Variants in MSRA observed in about 807,000 individuals in gnomAD.
The protein encoded by MSRA is methionine sulfoxide reductase A, also known as mitochondrial peptide methionine sulfoxide reductase.
Under a neutral mutation model 31.3 loss-of-function variants are expected in MSRA, and 54 were observed. The observed-to-expected ratio is 1.73, with a 90% CI of 1.39 to 2.17. The LOEUF (loss-of-function observed/expected upper bound fraction) is 2.17, where lower values mean the gene tolerates loss of function less well. Ranked by LOEUF, MSRA falls within the 30% of genes most tolerant of loss-of-function variation. The probability of loss-of-function intolerance (pLI) is 0.00; values close to 1 mark genes in which losing one functional copy is unlikely to be tolerated. For synonymous variants in MSRA, 169 were observed against 116.5 expected (o/e 1.45, Z -2.90); for missense variants, 507 against 300.9 (o/e 1.69, Z -5.07).
In MSRA at chr8:10,105,192, A is replaced by G. The variant is rs570815253; in HGVS notation, c.142+50534A>G. Among the ~76,000 whole-genome samples the G allele has an allele frequency of 6.4e-4, 97 of 151,688 alleles. No homozygotes were observed. In the South Asian group the frequency reaches 9.6e-3, roughly 15 times the overall value. On this transcript the variant is annotated intron_variant, in intron 1 of 5. Coordinates refer to ENST00000317173, the MANE Select transcript of MSRA (RefSeq NM_012331.5). ...TATGCTCATCGAAGATACCTTCTCAATCTTTTTTTTTCTCATTTTCCTTAT... is the reference window on the plus strand; with the variant it reads ...TATGCTCATCGAAGATACCTTCTCAGTCTTTTTTTTTCTCATTTTCCTTAT...
At chr8:10,261,980 T>C (rs907560180) in intron 3 of MSRA, among the ~76,000 whole-genome samples, 2 of 152,176 alleles carry the variant, frequency 1.3e-5, no homozygotes, top group Non-Finnish European at 2.9e-5. Flanking sequence ...ATCCAGTAAA[T>C]AGCATGTTTA....
intron 3 of MSRA, 55 bp downstream of exon 3, chr8:10,245,278 C>G (rs1050968669): frequency 1.9e-5 from 29 of 1,543,236 alleles, no homozygotes; most frequent in Non-Finnish European, 2.6e-5. Flanking sequence ...GGGCTTGTCA[C>G]TACTGTTGGG....
chr8:10,321,752 C>A (rs1484549676), intron 5 of MSRA, among the ~76,000 whole-genome samples: 3 of 152,148 alleles, frequency 2.0e-5, no homozygotes, highest in African/African-American at 7.2e-5. Flanking sequence ...CAGAGGCTTA[C>A]ATGACAAGGA....
At chr8:10,226,203 C>G (rs956073158) in intron 2 of MSRA, among the ~76,000 whole-genome samples, 7 of 152,212 alleles carry the variant, frequency 4.6e-5, no homozygotes, top group African/African-American at 1.4e-4. Context: ...CACTGAGTAT[C>G]TCAAACCAGC....
chr8:10,233,413 T>C (rs974683709), intron 2 of MSRA, among the ~76,000 whole-genome samples: 1 of 152,272 alleles, frequency 6.6e-6, no homozygotes, highest in Non-Finnish European at 1.5e-5. Context: ...GTTAATTTTT[T>C]ATAACAAACA....
intron 1 of MSRA, among the ~76,000 whole-genome samples, chr8:10,157,987 A>G (rs4506211): frequency 0.2 from 30,597 of 152,140 alleles, 3,539 homozygotes; most frequent in East Asian, 0.5. Context: ...ACAGAGATAA[A>G]TTTCTCACAG....
chr8:10,124,678 T>G (rs551743562), intron 1 of MSRA, among the ~76,000 whole-genome samples: 3 of 152,356 alleles, frequency 2.0e-5, no homozygotes, highest in African/African-American at 4.8e-5. Flanking sequence ...CCTTGCCATT[T>G]CAAACCAAAT....
intron 1 of MSRA, among the ~76,000 whole-genome samples, chr8:10,168,352 T>G (rs1005986928): frequency 6.6e-6 from 1 of 152,206 alleles, no homozygotes; most frequent in African/African-American, 2.4e-5. Context: ...ATCCTGGTCT[T>G]CCACGTCGCT....
chr8:10,059,637 C>G (rs1217966961), intron 1 of MSRA, among the ~76,000 whole-genome samples: 3 of 152,152 alleles, frequency 2.0e-5, no homozygotes, highest in African/African-American at 4.8e-5. Context: ...AGTAAAAAGA[C>G]TGATAAATTA....
intron 5 of MSRA, among the ~76,000 whole-genome samples, chr8:10,400,781 G>C (rs1486777033): frequency 6.6e-6 from 1 of 152,204 alleles, no homozygotes; most frequent in Non-Finnish European, 1.5e-5. Flanking sequence ...TTCAACAGAT[G>C]GTGCTGGGAC....
At chr8:10,079,202 A>G (rs954889684) in intron 1 of MSRA, among the ~76,000 whole-genome samples, 1 of 152,070 alleles carries the variant, frequency 6.6e-6, no homozygotes. Flanking sequence ...TTTGTGGGCC[A>G]GGCTGGAGTG....
intron 1 of MSRA, among the ~76,000 whole-genome samples, chr8:10,151,869 T>A (rs1456877769): frequency 6.6e-6 from 1 of 152,178 alleles, no homozygotes; most frequent in Non-Finnish European, 1.5e-5. Context: ...AAGGCCAAGG[T>A]CATTTAAAAG....
chr8:10,331,300 C>T (rs756201213), intron 5 of MSRA, among the ~76,000 whole-genome samples: 2 of 152,328 alleles, frequency 1.3e-5, no homozygotes, highest in Admixed American at 1.3e-4. Flanking sequence ...TGGAGGAGAA[C>T]AACTGGCTGG....
chr8:10,335,789 C>A (rs1803002853), intron 5 of MSRA, among the ~76,000 whole-genome samples: 1 of 152,228 alleles, frequency 6.6e-6, no homozygotes. Flanking sequence ...GACCAGTCAG[C>A]AGATTTGGGA....
chr8:10,337,740 TG>T (rs1368447442), intron 5 of MSRA: 3 of 702,564 alleles, frequency 4.3e-6, no homozygotes, highest in African/African-American at 1.7e-5. Context: ...TCAGCCATGC[TG>T]GGGCTCACTG....
intron 5 of MSRA, among the ~76,000 whole-genome samples, chr8:10,408,582 G>C (rs1370721022): frequency 6.6e-6 from 1 of 152,086 alleles, no homozygotes; most frequent in Non-Finnish European, 1.5e-5. Flanking sequence ...AAAAAATCCA[G>C]GTTTTAATTT....
chr8:10,330,204 T>TACACACACACACAC (rs149601196), intron 5 of MSRA, among the ~76,000 whole-genome samples: 4 of 107,896 alleles, frequency 3.7e-5, no homozygotes, highest in African/African-American at 1.3e-4. Flanking sequence ...TTAAATGTGA[T>TACACACACACACAC]ATACACACAC....
chr8:10,118,059 G>A (rs1422550074), intron 1 of MSRA, among the ~76,000 whole-genome samples: 1 of 152,240 alleles, frequency 6.6e-6, no homozygotes. Context: ...GGATTTCACT[G>A]TAAGGTTTTG....
intron 1 of MSRA, among the ~76,000 whole-genome samples, chr8:10,093,730 T>G (rs1798974182): frequency 6.6e-6 from 1 of 152,246 alleles, no homozygotes; most frequent in Non-Finnish European, 1.5e-5. Flanking sequence ...ATTTCTTCAT[T>G]GATTTGATTT....
Sources: gnomAD v4.1 joint callset for allele counts (sites outside exome capture counted in the v4.1 genomes callset) on GRCh38, gnomAD v4.1.1 for gene constraint, MANE v1.5 for transcripts, NCBI Gene and HGNC (gene_info 2026-07-23, HGNC 2026-07-21) for gene names.